ASTN2: variants seen among roughly 807,000 people sequenced by gnomAD.
ASTN2 encodes astrotactin 2, also known as astrotactin-2.
ASTN2 carries 54 observed loss-of-function variants against 139.8 expected under a neutral mutation model. The observed-to-expected ratio is 0.39, with a 90% confidence interval of 0.31 to 0.48. ASTN2 has a LOEUF of 0.48. ASTN2 is among the 20% of genes least tolerant of loss of function. The pLI, the probability that ASTN2 is intolerant of heterozygous loss-of-function variation, is 0.95. For synonymous variants in ASTN2, 756 were observed against 719.5 expected (o/e 1.05, Z -0.81); for missense variants, 1,565 against 1,725.1 (o/e 0.91, Z 1.64).
chr9:117,214,621 T>A lies in ASTN2; in HGVS notation c.752A>T (p.Glu251Val). The A allele has an allele frequency of 6.3e-7, 1 of 1,588,744 alleles. No homozygotes were observed. The highest frequency in any genetic ancestry group is 8.6e-7 in the Non-Finnish European group (1 of 1,160,704). ...CAGCACAGATGGGATGTAGTGGATC[T>A]CATGAGTGGCTTCTGTGCTTGCGCT... Reference protein sequence around the residue: ...QKSASTEATHEIHYIPSVLLG... With the variant: ...QKSASTEATHVIHYIPSVLLG... Residue 251 changes from glutamate (E) to valine (V), a missense_variant, in exon 3 of 23, where the codon GAG becomes GTG. Transcript: ENST00000313400.
At position 117,365,402 on chromosome 9, in the gene ASTN2, A is replaced by G. The variant is rs189233549; in HGVS notation, c.442+49095T>C. ...AGTATGCTTCAATTACAACTTCCAC[A>G]TCTCAGGTTTCACTCATGCTATATG... On this transcript the variant is annotated intron_variant, in intron 1 of 22. Transcript: ENST00000313400. 3.7e-4 allele frequency among the ~76,000 whole-genome samples: 56 copies of G among 152,272 alleles called. 2 individuals are homozygous for G. In the East Asian group the frequency reaches 0.01, roughly 28 times the overall value.
At position 116,733,645 on chromosome 9, in the gene ASTN2, T is replaced by C; in HGVS notation, c.2397-122A>G. 4.7e-6 allele frequency: 6 copies of C among 1,286,004 alleles called. No homozygotes were observed. In the East Asian group the frequency reaches 1.4e-4, roughly 31 times the overall value. The allele number at this position is 1,286,004 out of a possible 1,614,324, so 79.7% of individuals were successfully genotyped here. On this transcript the variant is annotated intron_variant, in intron 13 of 22. Coordinates refer to ENST00000313400, the MANE Select transcript of ASTN2 (RefSeq NM_001365068.1). Reference sequence around the variant, plus strand: ...TCATGGTGGGGTGACTTTGCTGTAATGCCTCTGGTTTCCTGAATCCCAGCT... The same window carrying C: ...TCATGGTGGGGTGACTTTGCTGTAACGCCTCTGGTTTCCTGAATCCCAGCT...
intron 13 of ASTN2, among the ~76,000 whole-genome samples, chr9:116,751,428 A>G (rs57996660): frequency 0.044 from 6,628 of 152,282 alleles, 184 homozygotes; most frequent in East Asian, 0.095. Context: ...CCTGATATGT[A>G]ATGGGGACAA....
intron 13 of ASTN2, among the ~76,000 whole-genome samples, chr9:116,787,976 A>T (rs1830422200): frequency 6.6e-6 from 1 of 152,186 alleles, no homozygotes; most frequent in African/African-American, 2.4e-5. Flanking sequence ...TTTATCTATA[A>T]ATCTAAAACT....
At chr9:117,222,265 G>T (rs559625584) in intron 2 of ASTN2, among the ~76,000 whole-genome samples, 1 of 152,086 alleles carries the variant, frequency 6.6e-6, no homozygotes, top group Admixed American at 6.6e-5. Flanking sequence ...ACCTTGTCTC[G>T]AACGTATGCT....
At chr9:116,611,159 G>A (rs1484538469) in intron 19 of ASTN2, 2 of 152,036 alleles carry the variant, frequency 1.3e-5, no homozygotes, top group Non-Finnish European at 2.9e-5. Context: ...ATTTGAAAAC[G>A]AAGTGGCATG....
At chr9:116,803,881 T>A (rs6478252) in intron 13 of ASTN2, among the ~76,000 whole-genome samples, 1 of 151,064 alleles carries the variant, frequency 6.6e-6, no homozygotes, top group Non-Finnish European at 1.5e-5. Flanking sequence ...ACCTAGGCTG[T>A]TCTCAAACTC....
intron 17 of ASTN2, among the ~76,000 whole-genome samples, chr9:116,638,625 C>T (rs2131885878): frequency 6.6e-6 from 1 of 152,098 alleles, no homozygotes; most frequent in Non-Finnish European, 1.5e-5. Context: ...TTAAATAACA[C>T]CATGTGAATG....
chr9:117,061,618 T>C (rs1839295502), intron 5 of ASTN2, among the ~76,000 whole-genome samples: 1 of 152,042 alleles, frequency 6.6e-6, no homozygotes, highest in South Asian at 2.1e-4. Context: ...CTGAAGTTAG[T>C]GGGAGGCCAT....
At chr9:117,142,113 G>A (rs549993924) in intron 3 of ASTN2, among the ~76,000 whole-genome samples, 2 of 152,212 alleles carry the variant, frequency 1.3e-5, no homozygotes, top group Admixed American at 6.5e-5. Context: ...AGTTACAAGA[G>A]AGCTTGCAAA....
intron 4 of ASTN2, among the ~76,000 whole-genome samples, chr9:117,118,257 T>C (rs531946872): frequency 8.1e-4 from 123 of 152,298 alleles, no homozygotes; most frequent in Non-Finnish European, 1.4e-3. Context: ...GCCAGAGTTC[T>C]TTTTTGCCCT....
chr9:117,317,423 G>C (rs1328004684), intron 1 of ASTN2, among the ~76,000 whole-genome samples: 2 of 152,152 alleles, frequency 1.3e-5, no homozygotes, highest in African/African-American at 4.8e-5. Context: ...GCCCGACAAT[G>C]CCTGGGAAGG....
At chr9:116,632,830 TA>T (rs1856874504) in intron 17 of ASTN2, among the ~76,000 whole-genome samples, 1 of 152,260 alleles carries the variant, frequency 6.6e-6, no homozygotes, top group Non-Finnish European at 1.5e-5. Context: ...TTAGTGGACT[TA>T]CCACATTTTA....
intron 1 of ASTN2, among the ~76,000 whole-genome samples, chr9:117,349,715 T>G (rs1439656228): frequency 3.3e-5 from 5 of 152,130 alleles, no homozygotes. Flanking sequence ...TGTCTTGCAG[T>G]GGAAAAACCC....
intron 6 of ASTN2, among the ~76,000 whole-genome samples, chr9:117,036,420 A>G (rs1043248950): frequency 6.6e-6 from 1 of 152,188 alleles, no homozygotes; most frequent in African/African-American, 2.4e-5. Flanking sequence ...ATGCTCTGGC[A>G]TCTGAGCCTC....
At chr9:117,088,878 G>A (rs575910172) in intron 5 of ASTN2, among the ~76,000 whole-genome samples, 28 of 152,308 alleles carry the variant, frequency 1.8e-4, no homozygotes, top group Non-Finnish European at 3.7e-4. Flanking sequence ...CATGCTGGGT[G>A]CCTGCACTGC....
chr9:117,023,716 TA>T (rs1386584656), intron 6 of ASTN2, among the ~76,000 whole-genome samples: 1 of 152,110 alleles, frequency 6.6e-6, no homozygotes, highest in Non-Finnish European at 1.5e-5. Context: ...CTGTAAAGAT[TA>T]AAAAAGGTAT....
intron 4 of ASTN2, among the ~76,000 whole-genome samples, chr9:117,108,476 G>A (rs2132781312): frequency 1.1e-5 from 1 of 88,056 alleles, no homozygotes; most frequent in East Asian, 4.1e-4. Flanking sequence ...CACACATTTT[G>A]TTCATTCAAT....
At chr9:116,609,175 C>T (rs1198020935) in intron 19 of ASTN2, among the ~76,000 whole-genome samples, 1 of 151,202 alleles carries the variant, frequency 6.6e-6, no homozygotes, top group Non-Finnish European at 1.5e-5. Flanking sequence ...AAAATAATGT[C>T]CAAAAATTTT....
Sources: gnomAD v4.1 joint callset for allele counts (sites outside exome capture counted in the v4.1 genomes callset) on GRCh38, gnomAD v4.1.1 for gene constraint, MANE v1.5 for transcripts, NCBI Gene and HGNC (gene_info 2026-07-23, HGNC 2026-07-21) for gene names.